Variants in ADGRA2 observed in about 807,000 individuals in gnomAD.
The protein encoded by ADGRA2 is adhesion G protein-coupled receptor A2, also known as G-protein coupled receptor 124.
Under a neutral mutation model 98.7 loss-of-function variants are expected in ADGRA2, and 61 were observed. That is an observed-to-expected ratio of 0.62 (90% CI 0.50 to 0.76). The LOEUF is 0.76. ADGRA2 is among the 30% of genes least tolerant of loss of function. The pLI is 0.00. For missense variants in ADGRA2, 1,712 were observed against 1,860.0 expected (o/e 0.92, Z 1.46); for synonymous variants, 858 against 831.5 (o/e 1.03, Z -0.55).
Position 37,802,049 on chromosome 8 carries a change from G to T in ADGRA2, c.266+4515G>T, listed in dbSNP as rs943856102. Among the ~76,000 whole-genome samples the T allele has an allele frequency of 1.3e-5, 2 of 152,230 alleles. No individual in the cohort carries two copies. Among genetic ancestry groups the T allele is most frequent in the African/African-American group, 2.4e-5 (1 of 41,466 alleles). On this transcript the variant is annotated intron_variant, in intron 1 of 18. Coordinates refer to ENST00000412232, the MANE Select transcript of ADGRA2 (RefSeq NM_032777.10). This position sits in a 1 kb window ranked among gnomAD's most constrained non-coding sequence, Gnocchi z 4.7. The stretch of plus-strand genomic sequence containing the variant: ...CTGCCCACCTAGGGGAGAAGAGGCT[G>T]TCTGCCGCAGGTGTGCCTAGCACGG...
intron 10 of ADGRA2, 42 bp downstream of exon 10, chr8:37,833,879 A>G: frequency 1.2e-6 from 2 of 1,610,236 alleles, no homozygotes; most frequent in Non-Finnish European, 1.7e-6. Flanking sequence ...AAACGCCCCC[A>G]TCCCTCATTT....
chr8:37,842,551 C>A lies in ADGRA2; in HGVS notation c.*196C>A. 2 of 943,158 alleles carry A rather than the reference C, an allele frequency of 2.1e-6. No individual in the cohort carries two copies. Among genetic ancestry groups the A allele is most frequent in the Non-Finnish European group, 2.9e-6 (2 of 692,550 alleles). 58.4% of individuals were successfully genotyped at this position (943,158 alleles called of 1,614,324 possible). ...AGCGACAGACAATCCCAGAAACACG[C>A]ATAATACATTTCCGTCCAGCCCGGG... On this transcript the variant is annotated 3_prime_UTR_variant, in exon 19 of 19. Coordinates refer to ENST00000412232, the MANE Select transcript of ADGRA2 (RefSeq NM_032777.10).
chr8:37,829,776 T>G, intron 5 of ADGRA2, 75 bp from the exon 6 acceptor site: 1 of 1,473,170 alleles, frequency 6.8e-7, no homozygotes. Context: ...GCTTCATCCC[T>G]CCCTGGGGCC....
At chr8:37,808,370 G>A (rs899564325) in intron 1 of ADGRA2, among the ~76,000 whole-genome samples, 13 of 152,292 alleles carry the variant, frequency 8.5e-5, no homozygotes, top group South Asian at 6.2e-4. Flanking sequence ...GTCAGAGGAC[G>A]GAGCAGGTTG....
In ADGRA2 at chr8:37,835,225, G is replaced by A. The variant is rs776216887; in HGVS notation, c.1660G>A (p.Val554Met). The change falls in exon 12 of 19, where the codon GTG (valine) becomes ATG (methionine). Residue 554 changes from valine (V) to methionine (M), a missense_variant. Transcript: ENST00000412232. The stretch of plus-strand genomic sequence containing the variant: ...CTACCTCATCAAGCCGCACAGCTAC[G>A]TGGGCCTGACCTGCACAGCCTTCCA... ...EAYLIKPHSY[V>M]GLTCTAFQRR... The A allele has an allele frequency of 1.3e-5, 21 of 1,613,974 alleles. 1 individual carries two copies. Among genetic ancestry groups the A allele is most frequent in the South Asian group, 1.1e-4 (10 of 91,078 alleles).
At position 37,829,529 on chromosome 8, in the gene ADGRA2, T is replaced by C; in HGVS notation, c.524T>C (p.Val175Ala). The C allele has an allele frequency of 6.2e-7, 1 of 1,613,378 alleles. No individual in the cohort carries two copies. The highest frequency in any genetic ancestry group is 8.5e-7 in the Non-Finnish European group (1 of 1,179,466). The change falls in exon 5 of 19, where the codon GTC becomes GCC. Residue 175 changes from valine (V) to alanine (A), a missense_variant. Transcript: ENST00000412232. ...GNIFSSLQPGVFDELPALKVV... is the reference protein window; with the variant it reads ...GNIFSSLQPGAFDELPALKVV... Reference sequence around the variant, plus strand: ...ATCTTCTCCAGTCTGCAACCTGGGGTCTTTGATGAGCTGCCAGCCCTTAAG... The same window carrying C: ...ATCTTCTCCAGTCTGCAACCTGGGGCCTTTGATGAGCTGCCAGCCCTTAAG...
At chr8:37,836,798 G>A (rs767951331) in intron 13 of ADGRA2, among the ~76,000 whole-genome samples, 7 of 152,160 alleles carry the variant, frequency 4.6e-5, no homozygotes, top group African/African-American at 1.2e-4. Context: ...GGGTCCTAGC[G>A]ATGTGGCTGT....
Position 37,843,011 on chromosome 8 carries a change from A to C in ADGRA2, c.*656A>C, listed in dbSNP as rs1418628161. 3 of 152,548 alleles carry C rather than the reference A, an allele frequency of 2.0e-5. No individual in the cohort carries two copies. Among genetic ancestry groups the C allele is most frequent in the African/African-American group, 2.4e-5 (1 of 41,444 alleles). The allele number at this position is 152,548 out of a possible 1,614,324, so 9.4% of individuals were successfully genotyped here. A position where few individuals can be genotyped will look rare whatever the true frequency, so the allele number is the denominator to read the frequency against. ...AACTAGGAACAATGCCACCATTCCC[A>C]CAGGAGTGGTACTTAAACCAGACAG... On this transcript the variant is annotated 3_prime_UTR_variant, in exon 19 of 19. Transcript: ENST00000412232.
intron 16 of ADGRA2, among the ~76,000 whole-genome samples, 188 bp from the exon 17 acceptor site, chr8:37,839,933 C>A (rs111849678): frequency 5.3e-5 from 8 of 152,190 alleles, no homozygotes; most frequent in African/African-American, 1.9e-4. Context: ...TGGGAGAGAA[C>A]CCTGGGGTGA....
chr8:37,818,906 G>A (rs1805054477), intron 2 of ADGRA2, among the ~76,000 whole-genome samples: 1 of 152,180 alleles, frequency 6.6e-6, no homozygotes, highest in Non-Finnish European at 1.5e-5. Context: ...GGACGAGGAA[G>A]GAAGCCTGGA....
rs140753680 is a variant in ADGRA2 at position 37,841,951 on chromosome 8, CGCGGGGGCGCG to C, written c.3624_3634del (p.Ala1209GlyfsTer53). 6 of 1,504,924 alleles carry C rather than the reference CGCGGGGGCGCG, an allele frequency of 4.0e-6. No homozygotes were observed. The highest frequency in any genetic ancestry group is 2.6e-5 in the East Asian group (1 of 38,308). 93.2% of individuals were successfully genotyped at this position (1,504,924 alleles called of 1,614,324 possible). On this transcript the variant is annotated frameshift_variant, in exon 19 of 19. Transcript: ENST00000412232. LOFTEE classifies it low-confidence loss of function (END_TRUNC). This position sits in a 1 kb window ranked among gnomAD's most constrained non-coding sequence, Gnocchi z 5.0. ...CGGCAAGAACCGGCTCAAGGCCCTG[CGCGGGGGCGCG>C]GCGGGGGCGCTGGAGCTGCTGTCCA...
chr8:37,841,762 G>A lies in ADGRA2; in HGVS notation c.3424G>A (p.Ala1142Thr). 1 of 1,539,664 alleles carries A rather than the reference G, an allele frequency of 6.5e-7. No homozygotes were observed. Among genetic ancestry groups the A allele is most frequent in the South Asian group, 1.2e-5 (1 of 83,694 alleles). ...CTGCAAGCTCACCAACCTGCAGCTG[G>A]CCCAGAGTCAGGTGTGCGAGGCGGG... ...GPCKLTNLQL[A>T]QSQVCEAGAA... Residue 1142 changes from alanine to threonine, a missense_variant, in exon 19 of 19, where the codon GCC becomes ACC. Coordinates refer to ENST00000412232, the MANE Select transcript of ADGRA2 (RefSeq NM_032777.10). The surrounding 1 kb of genome is among the most constrained non-coding windows in gnomAD (Gnocchi z 5.0).
At chr8:37,811,473 A>AC (rs1804830688) in intron 1 of ADGRA2, among the ~76,000 whole-genome samples, 1 of 122,952 alleles carries the variant, frequency 8.1e-6, no homozygotes, top group Admixed American at 8.5e-5. Context: ...CACCCAGCCA[A>AC]CTTTTTTTTT....
At chr8:37,799,021 G>A (rs1804421721) in intron 1 of ADGRA2, among the ~76,000 whole-genome samples, 1 of 152,194 alleles carries the variant, frequency 6.6e-6, no homozygotes, top group African/African-American at 2.4e-5. Flanking sequence ...AGTTCTGGAG[G>A]AGAAAAATGC....
In ADGRA2 at chr8:37,842,132, A is replaced by T. The variant is rs1240096905; in HGVS notation, c.3794A>T (p.Glu1265Val). The change falls in exon 19 of 19, where the codon GAG becomes GTG. Residue 1265 changes from glutamate (E) to valine (V), a missense_variant. Physicochemically the swap from Glu to Val is moderately radical, Grantham distance 121. Transcript: ENST00000412232. The stretch of plus-strand genomic sequence containing the variant: ...GACACCAGCGCCGCGCCGCTTTCTG[A>T]GGCGGGCCGGGCAGGCCAGCGCCGC... ...GSDTSAAPLS[E>V]AGRAGQRRSA... 6 of 1,496,458 alleles carry T rather than the reference A, an allele frequency of 4.0e-6. No homozygotes were observed. Among genetic ancestry groups the T allele is most frequent in the Non-Finnish European group, 5.3e-6 (6 of 1,130,754 alleles). 92.7% of individuals were successfully genotyped at this position (1,496,458 alleles called of 1,614,324 possible).
At chr8:37,829,051 C>T in intron 3 of ADGRA2, 92 bp downstream of exon 3, 1 of 899,514 alleles carries the variant, frequency 1.1e-6, no homozygotes, top group South Asian at 1.7e-5. Context: ...TCCTCTCACC[C>T]CCCCACACCT....
chr8:37,828,909 C>T lies in ADGRA2; in HGVS notation c.360C>T (p.Ile120=), dbSNP rs771325337. The T allele has an allele frequency of 1.0e-5, 16 of 1,597,738 alleles. No individual in the cohort carries two copies. In the South Asian group the frequency reaches 1.7e-4, roughly 17 times the overall value. Residue 120 remains isoleucine (I), a synonymous_variant, in exon 3 of 19, where the codon ATC becomes ATT. Transcript: ENST00000412232. Reference sequence around the variant, plus strand: ...GCAGGGACCTGAGGAACAACATCATCAGCACAGTGCAGCCGGGCGCCTTCC... The same window carrying T: ...GCAGGGACCTGAGGAACAACATCATTAGCACAGTGCAGCCGGGCGCCTTCC... ...LEKLDLRNNI[I]STVQPGAFLG...
chr8:37,801,006 T>C (rs2129888623), intron 1 of ADGRA2, among the ~76,000 whole-genome samples: 1 of 151,568 alleles, frequency 6.6e-6, no homozygotes, highest in East Asian at 1.9e-4. Flanking sequence ...CCTTGGGGAG[T>C]CTGAGTGCTG....
chr8:37,812,482 C>T (rs1304204675), intron 1 of ADGRA2, among the ~76,000 whole-genome samples: 1 of 152,066 alleles, frequency 6.6e-6, no homozygotes, highest in Non-Finnish European at 1.5e-5. Context: ...AAAAAATTAG[C>T]CGGGCGTGGT....
Sources: gnomAD v4.1 joint callset for allele counts (sites outside exome capture counted in the v4.1 genomes callset) on GRCh38, gnomAD v4.1.1 for gene constraint, Gnocchi (gnomAD v3.1) non-coding constraint, MANE v1.5 for transcripts, NCBI Gene and HGNC (gene_info 2026-07-23, HGNC 2026-07-21) for gene names.